PCDHAC2: variants seen among roughly 807,000 people sequenced by gnomAD.
PCDHAC2 encodes the protein protocadherin alpha-C2.
A neutral mutation model predicts 63.3 loss-of-function variants in PCDHAC2; 24 were observed. That is an observed-to-expected ratio of 0.38 (90% CI 0.27 to 0.53). The LOEUF is 0.53. Among genes scored for constraint, PCDHAC2 ranks in the 20% least tolerant of loss-of-function variants. The pLI is 0.81. For missense variants in PCDHAC2, 1,181 were observed against 1,275.2 expected, an observed-to-expected ratio of 0.93 and a Z score of 1.12; for synonymous variants, 569 against 529.4, an observed-to-expected ratio of 1.07 and a Z score of -1.03.
chr5:140,991,707 A>G (rs1436655429), intron 3 of PCDHAC2, among the ~76,000 whole-genome samples: 1 of 152,158 alleles, frequency 6.6e-6, no homozygotes, highest in Non-Finnish European at 1.5e-5. Flanking sequence ...TAATATGCAT[A>G]TTGCTACTAG....
intron 3 of PCDHAC2, among the ~76,000 whole-genome samples, chr5:141,005,862 G>A (rs376850991): frequency 6.6e-6 from 1 of 152,012 alleles, no homozygotes; most frequent in Non-Finnish European, 1.5e-5. Flanking sequence ...CAGGAGGGTC[G>A]ATTGAGTCCA....
In PCDHAC2 at chr5:141,010,450, G is replaced by T; in HGVS notation, c.*513G>T. 7.6e-6 allele frequency: 7 copies of T among 920,886 alleles called. No homozygotes were observed. The South Asian group carries it at 1.3e-4, about 17-fold the overall frequency. The allele number at this position is 920,886 out of a possible 1,614,324, so 57.0% of individuals were successfully genotyped here. A position where few individuals can be genotyped will look rare whatever the true frequency, so the allele number is the denominator to read the frequency against. ...AAGAAAACAAAGACAAATAAACAGC[G>T]GAAGTTATCAGTATGGAGGGGAAGT... is the stretch of plus-strand genomic sequence containing the variant. On this transcript the variant is annotated 3_prime_UTR_variant, in exon 4 of 4. Transcript: ENST00000289269.
Position 140,969,003 on chromosome 5 carries a change from G to A in PCDHAC2, c.2237G>A (p.Cys746Tyr). ...AYGTACCGGFCGVRERSPAEL... is the reference protein window; with the variant it reads ...AYGTACCGGFYGVRERSPAEL... ...GGCACTGCATGCTGTGGAGGCTTCT[G>A]TGGAGTAAGGGAAAGGTCCCCTGCA... is the stretch of plus-strand genomic sequence containing the variant. Residue 746 changes from cysteine to tyrosine, a missense_variant, in exon 1 of 4, where the codon TGT becomes TAT. By Grantham distance (194) the Cys-to-Tyr change is radical. This residue lies in a region of PCDHAC2 where 968 missense variants were observed against 1,073.5 expected (regional missense o/e 0.90). Transcript: ENST00000289269. 6.2e-7 allele frequency: 1 copy of A among 1,614,226 alleles called. No individual in the cohort carries two copies. The highest frequency in any genetic ancestry group is 1.7e-5 in the Admixed American group (1 of 60,030).
intron 3 of PCDHAC2, among the ~76,000 whole-genome samples, chr5:141,007,302 G>A (rs1211833053): frequency 6.7e-6 from 1 of 150,298 alleles, no homozygotes; most frequent in Non-Finnish European, 1.5e-5. Context: ...TGTAATCTTA[G>A]CATTTTGGGA....
chr5:140,992,017 CTGTGTGTGTGTGTGTG>C (rs10602499), intron 3 of PCDHAC2, among the ~76,000 whole-genome samples: 31 of 145,626 alleles, frequency 2.1e-4, no homozygotes, highest in East Asian at 1.4e-3. Flanking sequence ...AGAGGTGGCT[CTGTGTGTGTGTGTGTG>C]TGTGTGTGTG....
At position 140,966,691 on chromosome 5, in the gene PCDHAC2, G is replaced by A; in HGVS notation, c.-76G>A. 3 of 1,349,440 alleles carry A rather than the reference G, an allele frequency of 2.2e-6. No individual in the cohort carries two copies. The highest frequency in any genetic ancestry group is 1.9e-6 in the Non-Finnish European group (2 of 1,049,300). The allele number at this position is 1,349,440 out of a possible 1,614,324, so 83.6% of individuals were successfully genotyped here. ...CGCAGGGTGGCACGAGCGGAGGCGG[G>A]GCCCGGGCGTGGGGCACGGCTGGGG... On this transcript the variant is annotated 5_prime_UTR_variant, in exon 1 of 4. Coordinates refer to ENST00000289269, the MANE Select transcript of PCDHAC2 (RefSeq NM_018899.6).
intron 3 of PCDHAC2, among the ~76,000 whole-genome samples, chr5:141,009,094 C>A (rs1350235475): frequency 6.6e-6 from 1 of 152,176 alleles, no homozygotes; most frequent in Non-Finnish European, 1.5e-5. Context: ...AAGAACCAAA[C>A]ATATGTTACT....
At chr5:140,997,978 C>A (rs1205743045) in intron 3 of PCDHAC2, among the ~76,000 whole-genome samples, 2 of 152,182 alleles carry the variant, frequency 1.3e-5, no homozygotes, top group Admixed American at 1.3e-4. Context: ...TTGGACTGCA[C>A]TTGTTACATA....
rs782412499 is a variant in PCDHAC2 at position 140,969,308 on chromosome 5, A to G, written c.2542A>G (p.Asn848Asp). 1.9e-6 allele frequency: 3 copies of G among 1,614,196 alleles called. No individual in the cohort carries two copies. The highest frequency in any genetic ancestry group is 3.3e-4 in the Middle Eastern group (2 of 6,062). ...TGCTGGGAACCTGATTATTCTCAAA[A>G]ATGAGGCTGTTTCTCAAAATGAGGT... ...QNAGNLIILK[N>D]EAVSQNEPRQ... Residue 848 changes from asparagine (N) to aspartate (D), a missense_variant, in exon 1 of 4, where the codon AAT becomes GAT. By Grantham distance (23) the Asn-to-Asp change is conservative. Coordinates refer to ENST00000289269, the MANE Select transcript of PCDHAC2 (RefSeq NM_018899.6).
chr5:141,002,146 CT>C (rs2098061512), intron 3 of PCDHAC2, among the ~76,000 whole-genome samples: 1 of 152,250 alleles, frequency 6.6e-6, no homozygotes, highest in Admixed American at 6.5e-5. Flanking sequence ...GCTGCACTGA[CT>C]TAGCAGAGTG....
At chr5:140,988,698 A>G (rs1563551697) in intron 3 of PCDHAC2, among the ~76,000 whole-genome samples, 1 of 152,116 alleles carries the variant, frequency 6.6e-6, no homozygotes, top group East Asian at 1.9e-4. Context: ...GACGCTCTGT[A>G]TTTTCTTGGA....
intron 3 of PCDHAC2, among the ~76,000 whole-genome samples, chr5:140,996,580 C>T (rs1351485354): frequency 6.6e-6 from 1 of 152,130 alleles, no homozygotes; most frequent in African/African-American, 2.4e-5. Context: ...AATTTGTTAA[C>T]AAGGGCCGCC....
chr5:140,967,652 T>A lies in PCDHAC2; in HGVS notation c.886T>A (p.Leu296Met). ...EGSNGELRYS[L>M]SSYTSDRERQ... The stretch of plus-strand genomic sequence containing the variant: ...CTCCAATGGTGAGCTCAGGTACTCC[T>A]TGAGCAGCTACACGTCGGACCGGGA... Residue 296 changes from leucine (L) to methionine (M), a missense_variant, in exon 1 of 4, where the codon TTG becomes ATG. Coordinates refer to ENST00000289269, the MANE Select transcript of PCDHAC2 (RefSeq NM_018899.6). The A allele has an allele frequency of 6.2e-7, 1 of 1,614,152 alleles. No individual in the cohort carries two copies. Among genetic ancestry groups the A allele is most frequent in the South Asian group, 1.1e-5 (1 of 91,080 alleles).
chr5:140,996,232 T>C (rs1054290986), intron 3 of PCDHAC2, among the ~76,000 whole-genome samples: 13 of 152,302 alleles, frequency 8.5e-5, no homozygotes, highest in South Asian at 4.1e-4. Flanking sequence ...AAATGGTTGC[T>C]CAAGGCTGAG....
chr5:141,004,697 T>A (rs2098177211), intron 3 of PCDHAC2, among the ~76,000 whole-genome samples: 3 of 152,184 alleles, frequency 2.0e-5, no homozygotes, highest in Admixed American at 2.0e-4. Flanking sequence ...AAACCCAGTT[T>A]TAGGTGCCGA....
chr5:141,002,059 G>A (rs983772482), intron 3 of PCDHAC2, among the ~76,000 whole-genome samples: 1 of 152,242 alleles, frequency 6.6e-6, no homozygotes, highest in Non-Finnish European at 1.5e-5. Flanking sequence ...AGAGGCAGCA[G>A]CAGCCGCCAG....
intron 3 of PCDHAC2, among the ~76,000 whole-genome samples, chr5:140,988,499 C>CTT (rs2097300398): frequency 6.6e-6 from 1 of 152,138 alleles, no homozygotes; most frequent in Non-Finnish European, 1.5e-5. Context: ...CTAGGAGAAG[C>CTT]CATGAAGCTT....
At chr5:140,988,503 GAA>G (rs2097300771) in intron 3 of PCDHAC2, among the ~76,000 whole-genome samples, 1 of 152,152 alleles carries the variant, frequency 6.6e-6, no homozygotes, top group Non-Finnish European at 1.5e-5. Flanking sequence ...GAGAAGCCAT[GAA>G]GCTTACTTAA....
At chr5:141,004,445 T>C (rs2098166676) in intron 3 of PCDHAC2, among the ~76,000 whole-genome samples, 1 of 152,206 alleles carries the variant, frequency 6.6e-6, no homozygotes. Flanking sequence ...CTGAGTCATA[T>C]AGAACCAGGA....
Sources: gnomAD v4.1 joint callset for allele counts (sites outside exome capture counted in the v4.1 genomes callset) on GRCh38, gnomAD v4.1.1 for gene constraint, gnomAD v4.1.1 regional missense constraint, MANE v1.5 for transcripts, NCBI Gene and HGNC (gene_info 2026-07-23, HGNC 2026-07-21) for gene names.